The following FILIP1 variants were observed in gnomAD, a reference collection of about 807,000 sequenced individuals.
FILIP1 encodes filamin-A-interacting protein 1.
In FILIP1, 61 loss-of-function variants were observed where a neutral mutation model predicts 102.1. The observed-to-expected ratio is 0.60, with a 90% CI of 0.49 to 0.74. The LOEUF is 0.74. Ranked by LOEUF, FILIP1 falls within the 30% of genes least tolerant of loss-of-function variation. FILIP1 has a pLI of 0.00. For missense variants in FILIP1, 1,314 were observed against 1,441.2 expected (o/e 0.91, Z 1.43); for synonymous variants, 491 against 526.9 (o/e 0.93, Z 0.93).
At chr6:75,439,517 G>A (rs1778137944) in intron 1 of FILIP1, among the ~76,000 whole-genome samples, 1 of 152,212 alleles carries the variant, frequency 6.6e-6, no homozygotes, top group African/African-American at 2.4e-5. Flanking sequence ...GCAGGCATAG[G>A]ACAATGAAAA....
At chr6:75,343,353 C>G (rs886166359) in intron 4 of FILIP1, among the ~76,000 whole-genome samples, 1 of 152,178 alleles carries the variant, frequency 6.6e-6, no homozygotes, top group African/African-American at 2.4e-5. Flanking sequence ...CTCTTGGACT[C>G]CACCTGGTAA....
intron 2 of FILIP1, among the ~76,000 whole-genome samples, chr6:75,391,622 C>G (rs1218292944): frequency 6.6e-6 from 1 of 152,164 alleles, no homozygotes; most frequent in Non-Finnish European, 1.5e-5. Context: ...AAACTTCTTA[C>G]TTTAGTCACT....
At position 75,436,237 on chromosome 6, in the gene FILIP1, C is replaced by T. The variant is rs560441237; in HGVS notation, c.-6-21259G>A. Among the ~76,000 whole-genome samples, 202 of 151,912 alleles carry T rather than the reference C, an allele frequency of 1.3e-3. 1 individual carries two copies. Among genetic ancestry groups the T allele is most frequent in the African/African-American group, 4.4e-3 (182 of 41,442 alleles). On this transcript the variant is annotated intron_variant, in intron 1 of 5. Coordinates refer to ENST00000237172, the MANE Select transcript of FILIP1 (RefSeq NM_015687.5). ...AAAATACAAAAGTTAGCCAGGCTAG[C>T]GGCATGTGCCTGTAATCCCAGCTAC...
At chr6:75,461,402 T>A (rs964866053) in intron 1 of FILIP1, among the ~76,000 whole-genome samples, 2 of 152,216 alleles carry the variant, frequency 1.3e-5, no homozygotes, top group African/African-American at 2.4e-5. Context: ...GGCTTGGGCA[T>A]AGAATTTTTC....
intron 1 of FILIP1, among the ~76,000 whole-genome samples, chr6:75,442,014 G>C (rs1440276147): frequency 2.7e-5 from 4 of 150,312 alleles, no homozygotes; most frequent in Non-Finnish European, 5.9e-5. Context: ...GCTGCTGGGC[G>C]GAGGGGCTCC....
At chr6:75,409,937 C>T (rs995760077) in intron 2 of FILIP1, among the ~76,000 whole-genome samples, 2 of 152,138 alleles carry the variant, frequency 1.3e-5, no homozygotes, top group Non-Finnish European at 2.9e-5. Context: ...TCCCTATCCC[C>T]TTGCCCACCA....
intron 1 of FILIP1, among the ~76,000 whole-genome samples, chr6:75,452,242 A>C (rs1335194631): frequency 6.6e-6 from 1 of 152,026 alleles, no homozygotes; most frequent in Non-Finnish European, 1.5e-5. Context: ...ATATCTCCTA[A>C]TGCTATCCCT....
Position 75,314,627 on chromosome 6 carries a change from G to A in FILIP1, c.1205C>T (p.Ser402Phe), listed in dbSNP as rs373125676. 1.2e-6 allele frequency: 2 copies of A among 1,613,454 alleles called. No individual in the cohort carries two copies. The highest frequency in any genetic ancestry group is 1.7e-6 in the Non-Finnish European group (2 of 1,179,876). ...GKDEEITKTE[S>F]QCRELRKKLQ... ...CTTCTTCCTCAATTCCCTACACTGGGATTCAGTTTTAGTGATCTCCTCATC... is the reference window on the plus strand; with the variant it reads ...CTTCTTCCTCAATTCCCTACACTGGAATTCAGTTTTAGTGATCTCCTCATC... The change falls in exon 5 of 6, where the codon TCC becomes TTC. Residue 402 changes from serine (S) to phenylalanine (F), a missense_variant. By Grantham distance (155) the Ser-to-Phe change is radical. Coordinates refer to ENST00000237172, the MANE Select transcript of FILIP1 (RefSeq NM_015687.5).
intron 4 of FILIP1, among the ~76,000 whole-genome samples, chr6:75,326,015 A>G (rs536602973): frequency 6.4e-4 from 98 of 152,294 alleles, no homozygotes; most frequent in African/African-American, 2.1e-3. Context: ...CTGAATGCCC[A>G]TCAACCAACG....
chr6:75,463,238 C>T (rs1159275787), intron 1 of FILIP1, among the ~76,000 whole-genome samples: 1 of 152,158 alleles, frequency 6.6e-6, no homozygotes, highest in East Asian at 1.9e-4. Flanking sequence ...CCCCCTTTCC[C>T]TAACTTCTAA....
intron 4 of FILIP1, among the ~76,000 whole-genome samples, chr6:75,352,572 G>A (rs536323795): frequency 1.3e-5 from 2 of 152,186 alleles, no homozygotes; most frequent in African/African-American, 4.8e-5. Context: ...TCTTCAGTTG[G>A]TTTGGTTTGT....
At chr6:75,327,470 A>G (rs1773904156) in intron 4 of FILIP1, among the ~76,000 whole-genome samples, 1 of 151,856 alleles carries the variant, frequency 6.6e-6, no homozygotes, top group African/African-American at 2.4e-5. Flanking sequence ...AGGAAGGAGA[A>G]ACGGGAAAGT....
At chr6:75,328,714 C>G (rs1393097521) in intron 4 of FILIP1, among the ~76,000 whole-genome samples, 6 of 152,058 alleles carry the variant, frequency 3.9e-5, no homozygotes. Context: ...TCTCAAACTC[C>G]TGGCCTCAAG....
chr6:75,340,846 C>A (rs986699237), intron 4 of FILIP1, among the ~76,000 whole-genome samples: 1 of 150,040 alleles, frequency 6.7e-6, no homozygotes, highest in African/African-American at 2.5e-5. Context: ...TAGGCGCACA[C>A]CACAATGCTC....
At chr6:75,454,507 C>T (rs1471668428) in intron 1 of FILIP1, among the ~76,000 whole-genome samples, 3 of 152,186 alleles carry the variant, frequency 2.0e-5, no homozygotes, top group Non-Finnish European at 4.4e-5. Context: ...TGCCATGTAG[C>T]ATTCACAGGA....
In FILIP1 at chr6:75,482,434, C is replaced by A. The variant is rs568535155; in HGVS notation, c.-7+10980G>T. ...CAATCCTAACTCCAAAATAGATTTC[C>A]AAGGATAGGAGCGTTTCCAGCTAAT... On this transcript the variant is annotated intron_variant, in intron 1 of 5. Transcript: ENST00000237172. 4.6e-5 allele frequency among the ~76,000 whole-genome samples: 7 copies of A among 152,220 alleles called. No individual in the cohort carries two copies. In the South Asian group the frequency reaches 1.5e-3, roughly 32 times the overall value.
intron 2 of FILIP1, among the ~76,000 whole-genome samples, chr6:75,395,155 G>A (rs1776417767): frequency 6.6e-6 from 1 of 151,958 alleles, no homozygotes; most frequent in Non-Finnish European, 1.5e-5. Context: ...TATATAATAT[G>A]CTCTCATTTG....
chr6:75,370,738 G>A (rs1259120783), intron 2 of FILIP1, among the ~76,000 whole-genome samples: 2 of 151,476 alleles, frequency 1.3e-5, no homozygotes, highest in African/African-American at 4.9e-5. Context: ...CACAACCCCG[G>A]GCTAATTTTT....
intron 1 of FILIP1, among the ~76,000 whole-genome samples, chr6:75,488,121 GA>G (rs1176884827): frequency 2.0e-5 from 3 of 152,074 alleles, no homozygotes; most frequent in South Asian, 2.1e-4. Context: ...CCAAAAATGG[GA>G]AAAAAACCCA....
Sources: gnomAD v4.1 joint callset for allele counts (sites outside exome capture counted in the v4.1 genomes callset) on GRCh38, gnomAD v4.1.1 for gene constraint, MANE v1.5 for transcripts, NCBI Gene and HGNC (gene_info 2026-07-23, HGNC 2026-07-21) for gene names.